SEPTIN8: variants seen among roughly 807,000 people sequenced by gnomAD.
SEPTIN8 encodes septin 8, also known as septin-8.
A neutral mutation model predicts 53.1 loss-of-function variants in SEPTIN8; 22 were observed. That is an observed-to-expected ratio of 0.41 (90% CI 0.30 to 0.59). SEPTIN8 has a LOEUF of 0.59. Ranked by LOEUF, SEPTIN8 falls within the 20% of genes least tolerant of loss-of-function variation. SEPTIN8 has a pLI of 0.24. For synonymous variants in SEPTIN8, 228 were observed against 248.4 expected (o/e 0.92, Z 0.77); for missense variants, 536 against 638.7 (o/e 0.84, Z 1.73).
chr5:132,756,258 G>T, intron 9 of SEPTIN8: 1 of 985,396 alleles, frequency 1.0e-6, no homozygotes, highest in Non-Finnish European at 1.2e-6. Context: ...CTAGATCAGG[G>T]TACCCACAAC....
Position 132,760,771 on chromosome 5 carries a change from G to C in SEPTIN8, c.1286+31C>G, listed in dbSNP as rs377459906. On this transcript the variant is annotated intron_variant, in intron 9 of 9. Transcript: ENST00000378719. The surrounding 1 kb of genome is among the most constrained non-coding windows in gnomAD (Gnocchi z 5.2). ...AAAGCAAGAGCCCACAGGAGCAAGA[G>C]GAGCCAGCGCAGGCGCAGCCTGCCA... is the stretch of plus-strand genomic sequence containing the variant. The C allele has an allele frequency of 1.3e-5, 20 of 1,598,258 alleles. No individual in the cohort carries two copies. In the African/African-American group the frequency reaches 2.2e-4, roughly 17 times the overall value.
intron 9 of SEPTIN8, chr5:132,758,801 C>A: frequency 6.2e-7 from 1 of 1,614,134 alleles, no homozygotes; most frequent in Non-Finnish European, 8.5e-7. Context: ...CCACTCTTGA[C>A]ATGTAAGTCT....
chr5:132,763,331 G>A (rs2149975537), intron 4 of SEPTIN8, among the ~76,000 whole-genome samples: 1 of 152,330 alleles, frequency 6.6e-6, no homozygotes, highest in South Asian at 2.1e-4. Context: ...GAAAGGAGGA[G>A]CTAGAAATTA....
At chr5:132,756,219 G>A in intron 9 of SEPTIN8, 6 of 985,328 alleles carry the variant, frequency 6.1e-6, no homozygotes, top group Non-Finnish European at 7.2e-6. Context: ...ACAAACATAT[G>A]CAGTCAGTAA....
intron 1 of SEPTIN8, among the ~76,000 whole-genome samples, chr5:132,769,818 T>C (rs1386900020): frequency 6.6e-6 from 1 of 150,624 alleles, no homozygotes. Flanking sequence ...AGCGTGGGGG[T>C]TCCCGGGGAG....
Position 132,763,898 on chromosome 5 carries a change from G to C in SEPTIN8, c.348-6C>G. On this transcript the variant is annotated splice_polypyrimidine_tract_variant and splice_region_variant and intron_variant, in intron 3 of 9. Coordinates refer to ENST00000378719, the MANE Select transcript of SEPTIN8 (RefSeq NM_001098811.2). ...AGTCAACTATGGGCCTGTAACTACA[G>C]ACAGCTCCATCACCCAGGAGGCTGC... 1 of 1,553,882 alleles carries C rather than the reference G, an allele frequency of 6.4e-7. No homozygotes were observed. Among genetic ancestry groups the C allele is most frequent in the Non-Finnish European group, 8.7e-7 (1 of 1,148,588 alleles).
At chr5:132,763,621 A>G (rs1238987771) in intron 4 of SEPTIN8, 85 bp downstream of exon 4, 2 of 1,304,150 alleles carry the variant, frequency 1.5e-6, no homozygotes, top group Non-Finnish European at 1.1e-6. Context: ...CCTGAGGACC[A>G]TGGTGTTCAG....
intron 1 of SEPTIN8, among the ~76,000 whole-genome samples, chr5:132,766,336 T>C (rs905267728): frequency 1.3e-5 from 2 of 151,750 alleles, no homozygotes; most frequent in African/African-American, 4.8e-5. Context: ...CGGGTAAGAA[T>C]GTGGAGGCCT....
In SEPTIN8 at chr5:132,761,288, G is replaced by C. The variant is rs1309044311; in HGVS notation, c.963-23C>G. On this transcript the variant is annotated intron_variant, in intron 7 of 9. Coordinates refer to ENST00000378719, the MANE Select transcript of SEPTIN8 (RefSeq NM_001098811.2). This position sits in a 1 kb window ranked among gnomAD's most constrained non-coding sequence, Gnocchi z 5.8. The stretch of plus-strand genomic sequence containing the variant: ...AGGCTGTGGAGACCCAGAGAAAAGA[G>C]GCCAAGGATGGGATTATGACGGAAT... 1.2e-6 allele frequency: 2 copies of C among 1,611,960 alleles called. No homozygotes were observed. Among genetic ancestry groups the C allele is most frequent in the Admixed American group, 3.3e-5 (2 of 60,024 alleles).
rs1463699087 is a variant in SEPTIN8 at position 132,760,988 on chromosome 5, T to C, written c.1100A>G (p.His367Arg). Residue 367 changes from histidine (H) to arginine (R), a missense_variant, in exon 9 of 10, where the codon CAT becomes CGT. By Grantham distance (29) the His-to-Arg change is conservative (BLOSUM62 0). Around this residue, in one of 3 missense-constraint regions of SEPTIN8, gnomAD observed 133 missense variants for 157.4 expected, o/e 0.84. Transcript: ENST00000378719. This position sits in a 1 kb window ranked among gnomAD's most constrained non-coding sequence, Gnocchi z 5.2. Reference protein sequence around the residue: ...LELKEKERELHEKFEHLKRVH... With the variant: ...LELKEKERELREKFEHLKRVH... The stretch of plus-strand genomic sequence containing the variant: ...CCGCTTCAGGTGCTCAAACTTCTCA[T>C]GGAGCTGGCATCAGAAAGGGGGCAG... The C allele has an allele frequency of 9.5e-6, 15 of 1,579,666 alleles. No individual in the cohort carries two copies. Among genetic ancestry groups the C allele is most frequent in the African/African-American group, 5.4e-5 (4 of 73,940 alleles).
At chr5:132,757,628 G>C (rs568673789) in intron 9 of SEPTIN8, 1 of 985,404 alleles carries the variant, frequency 1.0e-6, no homozygotes, top group Admixed American at 6.1e-5. Flanking sequence ...CCAGCACGGT[G>C]CTTCAACATT....
intron 1 of SEPTIN8, among the ~76,000 whole-genome samples, chr5:132,768,838 G>C (rs186954863): frequency 6.6e-6 from 1 of 152,254 alleles, no homozygotes; most frequent in Non-Finnish European, 1.5e-5. Flanking sequence ...GAGGGAGCCA[G>C]AGTCTGCCCT....
At chr5:132,756,584 T>A in intron 9 of SEPTIN8, 1 of 985,478 alleles carries the variant, frequency 1.0e-6, no homozygotes, top group South Asian at 4.7e-5. Flanking sequence ...GCTCACTTTA[T>A]GCACCAAGGT....
At chr5:132,753,821 C>T (rs929148242) in intron 9 of SEPTIN8, 1 of 152,616 alleles carries the variant, frequency 6.6e-6, no homozygotes, top group African/African-American at 2.4e-5. Flanking sequence ...GCTGTGCTAC[C>T]ACAGAGCCAT....
intron 1 of SEPTIN8, among the ~76,000 whole-genome samples, chr5:132,770,273 G>A (rs1757192573): frequency 1.3e-5 from 2 of 150,530 alleles, no homozygotes; most frequent in Admixed American, 6.7e-5. Context: ...CCGCCTCCTA[G>A]GTACAAGCAA....
At chr5:132,753,645 ATTAG>A (rs756159119) in intron 9 of SEPTIN8, 5 of 152,514 alleles carry the variant, frequency 3.3e-5, no homozygotes, top group African/African-American at 7.2e-5. Flanking sequence ...GGTTTCAGTT[ATTAG>A]TTTAACTAGA....
intron 9 of SEPTIN8, chr5:132,755,997 C>A: frequency 1.0e-6 from 1 of 985,076 alleles, no homozygotes; most frequent in Non-Finnish European, 1.2e-6. Flanking sequence ...AAAGACACCA[C>A]AAAAACTCAA....
At chr5:132,764,100 C>A in intron 3 of SEPTIN8, 124 bp downstream of exon 3, 1 of 1,096,668 alleles carries the variant, frequency 9.1e-7, no homozygotes, top group Non-Finnish European at 1.3e-6. Flanking sequence ...GACCACAGAG[C>A]CTCAGATATT....
intron 9 of SEPTIN8, among the ~76,000 whole-genome samples, chr5:132,759,841 G>A (rs914292189): frequency 3.3e-5 from 5 of 152,160 alleles, no homozygotes; most frequent in African/African-American, 7.2e-5. Flanking sequence ...GTGGGCGAGG[G>A]TGAGCCCCAG....
Sources: gnomAD v4.1 joint callset for allele counts (sites outside exome capture counted in the v4.1 genomes callset) on GRCh38, gnomAD v4.1.1 for gene constraint, gnomAD v4.1.1 regional missense constraint, Gnocchi (gnomAD v3.1) non-coding constraint, MANE v1.5 for transcripts, NCBI Gene and HGNC (gene_info 2026-07-23, HGNC 2026-07-21) for gene names.